The following TNFSF4 variants were observed in gnomAD, a reference collection of about 807,000 sequenced individuals.
TNFSF4 encodes tumor necrosis factor ligand superfamily member 4.
A neutral mutation model predicts 7.3 loss-of-function variants in TNFSF4; 4 were observed. The observed-to-expected ratio is 0.55, with a 90% confidence interval of 0.27 to 1.25. The LOEUF (loss-of-function observed/expected upper bound fraction) is 1.25, where lower values mean the gene tolerates loss of function less well. TNFSF4 is among the 50% of genes most tolerant of loss of function. The pLI is 0.12. For missense variants in TNFSF4, 181 were observed against 208.8 expected (o/e 0.87, Z 0.82); for synonymous variants, 76 against 83.7 (o/e 0.91, Z 0.50).
At chr1:173,382,046 C>T in the TNFSF4 span, among the ~76,000 whole-genome samples, 1 of 152,148 alleles carries the variant, frequency 6.6e-6, no homozygotes, top group Admixed American at 6.5e-5. Flanking sequence ...CTGCTTGGGT[C>T]CCCTTCCACA....
At chr1:173,214,643 G>A in the TNFSF4 span, among the ~76,000 whole-genome samples, 5 of 152,162 alleles carry the variant, frequency 3.3e-5, no homozygotes, top group African/African-American at 7.2e-5. Context: ...AGTTTGTGTT[G>A]GGCTGCACTG....
the TNFSF4 span, among the ~76,000 whole-genome samples, chr1:173,439,196 A>AACAAAGAG: frequency 8.5e-5 from 13 of 152,330 alleles, no homozygotes; most frequent in Non-Finnish European, 1.6e-4. Context: ...GACATTTCAG[A>AACAAAGAG]ACAAAGAGCT....
the TNFSF4 span, among the ~76,000 whole-genome samples, chr1:173,448,199 T>A: frequency 6.6e-6 from 1 of 152,196 alleles, no homozygotes; most frequent in East Asian, 1.9e-4. Flanking sequence ...TCACAGTAAT[T>A]GATAGAAGTA....
chr1:173,278,265 G>C, the TNFSF4 span, among the ~76,000 whole-genome samples: 2 of 152,034 alleles, frequency 1.3e-5, no homozygotes, highest in East Asian at 3.9e-4. Context: ...CACAATGCTT[G>C]GTATAGAGTA....
the TNFSF4 span, among the ~76,000 whole-genome samples, chr1:173,215,021 C>A: frequency 2.6e-5 from 4 of 152,092 alleles, no homozygotes; most frequent in African/African-American, 4.8e-5. Flanking sequence ...TATGTTGAAG[C>A]CCTACCTCCA....
At chr1:173,340,480 G>T in the TNFSF4 span, among the ~76,000 whole-genome samples, 3 of 152,058 alleles carry the variant, frequency 2.0e-5, no homozygotes, top group African/African-American at 7.2e-5. Context: ...ACCATTTGAG[G>T]TGATGAGCCT....
At chr1:173,207,598 T>C (rs554960454), upstream of TNFSF4, among the ~76,000 whole-genome samples, 11 of 152,314 alleles carry the variant, frequency 7.2e-5, 1 homozygote, top group South Asian at 2.3e-3. Context: ...CATCCGTTAA[T>C]GTAGCAGCTC....
At chr1:173,420,544 T>A in the TNFSF4 span, among the ~76,000 whole-genome samples, 1 of 98,280 alleles carries the variant, frequency 1.0e-5, no homozygotes, top group East Asian at 3.8e-4. Flanking sequence ...AGTAAAGGCC[T>A]TTTTTTTTCC....
At chr1:173,366,107 C>G in the TNFSF4 span, among the ~76,000 whole-genome samples, 2 of 152,104 alleles carry the variant, frequency 1.3e-5, no homozygotes, top group African/African-American at 4.8e-5. Context: ...ACCATGTGAT[C>G]CAGGAATCCA....
the TNFSF4 span, among the ~76,000 whole-genome samples, chr1:173,415,875 C>T: frequency 6.6e-6 from 1 of 152,098 alleles, no homozygotes; most frequent in Non-Finnish European, 1.5e-5. Context: ...GTATTTTTGC[C>T]TAAATGTGCG....
chr1:173,266,235 A>G, the TNFSF4 span, among the ~76,000 whole-genome samples: 1 of 152,152 alleles, frequency 6.6e-6, no homozygotes, highest in African/African-American at 2.4e-5. Flanking sequence ...ATGGATGATG[A>G]GTAAAGAATA....
intron 1 of TNFSF4, among the ~76,000 whole-genome samples, chr1:173,192,102 A>G (rs1227949137): frequency 6.6e-6 from 1 of 152,196 alleles, no homozygotes; most frequent in East Asian, 1.9e-4. Flanking sequence ...GCTTGAACCC[A>G]GGAGACAGAG....
At chr1:173,299,873 T>TG in the TNFSF4 span, among the ~76,000 whole-genome samples, 1 of 151,670 alleles carries the variant, frequency 6.6e-6, no homozygotes, top group African/African-American at 2.4e-5. Flanking sequence ...CTATAAGCAG[T>TG]TTTCTTGTAG....
chr1:173,188,677 A>G (rs1295234669), intron 1 of TNFSF4, 108 bp from the exon 2 acceptor site: 1 of 917,850 alleles, frequency 1.1e-6, no homozygotes, highest in African/African-American at 1.7e-5. Flanking sequence ...CCTGTAGAGA[A>G]AACAAAAACA....
the TNFSF4 span, among the ~76,000 whole-genome samples, chr1:173,291,018 T>C: frequency 3.0e-4 from 45 of 152,328 alleles, no homozygotes; most frequent in Middle Eastern, 3.4e-3. Context: ...TATTAGTTCA[T>C]TCATGCATTG....
chr1:173,194,844 A>T (rs1293784868), intron 1 of TNFSF4, among the ~76,000 whole-genome samples: 1 of 151,136 alleles, frequency 6.6e-6, no homozygotes, highest in African/African-American at 2.4e-5. Flanking sequence ...GCAGGGAGCC[A>T]CAATCATGCC....
chr1:173,229,840 C>A, the TNFSF4 span, among the ~76,000 whole-genome samples: 2 of 152,024 alleles, frequency 1.3e-5, no homozygotes, highest in Non-Finnish European at 2.9e-5. Flanking sequence ...CAAAGAAGGC[C>A]ATTGCATAAT....
At chr1:173,395,414 A>G in the TNFSF4 span, among the ~76,000 whole-genome samples, 1 of 131,002 alleles carries the variant, frequency 7.6e-6, no homozygotes, top group Non-Finnish European at 1.6e-5. Context: ...ATATATATAT[A>G]TATATGGAGA....
chr1:173,305,876 C>T, the TNFSF4 span, among the ~76,000 whole-genome samples: 3 of 151,846 alleles, frequency 2.0e-5, no homozygotes, highest in African/African-American at 7.3e-5. Flanking sequence ...CTTCCCTCCA[C>T]ATGTGCGGAT....
Sources: gnomAD v4.1 joint callset for allele counts (sites outside exome capture counted in the v4.1 genomes callset) on GRCh38, gnomAD v4.1.1 for gene constraint, MANE v1.5 for transcripts, NCBI Gene and HGNC (gene_info 2026-07-23, HGNC 2026-07-21) for gene names.